Variants in CRYM observed in about 807,000 individuals in gnomAD.
CRYM encodes the protein ketimine reductase mu-crystallin.
Under a neutral mutation model 32.9 loss-of-function variants are expected in CRYM, and 18 were observed. The ratio of observed to expected loss-of-function variants is 0.55; its 90% CI spans 0.38 to 0.81. CRYM has a LOEUF of 0.81. Among genes scored for constraint, CRYM ranks in the 30% least tolerant of loss-of-function variants. The probability of loss-of-function intolerance (pLI) is 0.00; values close to 1 mark genes in which losing one functional copy is unlikely to be tolerated. For synonymous variants in CRYM, 153 were observed against 152.4 expected, an observed-to-expected ratio of 1.00 and a Z score of -0.03; for missense variants, 337 against 393.5, an observed-to-expected ratio of 0.86 and a Z score of 1.21.
At chr16:21,265,791 T>C (rs140020363) in intron 5 of CRYM, among the ~76,000 whole-genome samples, 9 of 152,224 alleles carry the variant, frequency 5.9e-5, no homozygotes, top group Non-Finnish European at 1.0e-4. Context: ...ACCAAGACCA[T>C]CTTTAAATCC....
At chr16:21,260,751 T>C (rs1195408394) in intron 7 of CRYM, among the ~76,000 whole-genome samples, 2 of 152,152 alleles carry the variant, frequency 1.3e-5, no homozygotes, top group African/African-American at 2.4e-5. Flanking sequence ...ATGGAAGCCC[T>C]CCTCAAAGCA....
chr16:21,278,616 T>TCTA, upstream of CRYM: 1 of 312,162 alleles, frequency 3.2e-6, no homozygotes, highest in Admixed American at 4.8e-5. Context: ...TTTGCTGCTG[T>TCTA]CTAGGTCACC....
chr16:21,290,039 C>T (rs1008473613), intron 1 of CRYM, among the ~76,000 whole-genome samples: 9 of 148,720 alleles, frequency 6.1e-5, no homozygotes, highest in African/African-American at 5.2e-5. Context: ...ATGGACCAAT[C>T]AGCACTCTGT....
intron 1 of CRYM, among the ~76,000 whole-genome samples, chr16:21,302,614 C>T (rs1960979799): frequency 6.6e-6 from 1 of 152,180 alleles, no homozygotes; most frequent in South Asian, 2.1e-4. Flanking sequence ...CTGTCGGAAG[C>T]ATACTGAGTT....
At chr16:21,301,813 T>G (rs1258403736) in intron 1 of CRYM, among the ~76,000 whole-genome samples, 1 of 152,126 alleles carries the variant, frequency 6.6e-6, no homozygotes, top group East Asian at 1.9e-4. Flanking sequence ...GGGAGGGCGT[T>G]GGGAGGAGGA....
At chr16:21,291,004 C>T (rs1960638238) in intron 1 of CRYM, among the ~76,000 whole-genome samples, 2 of 152,154 alleles carry the variant, frequency 1.3e-5, no homozygotes, top group African/African-American at 4.8e-5. Flanking sequence ...TCAACACAAA[C>T]TATGTTTCAA....
At chr16:21,267,422 A>G (rs888055350) in intron 5 of CRYM, 132 bp downstream of exon 5, 10 of 953,702 alleles carry the variant, frequency 1.0e-5, no homozygotes, top group African/African-American at 3.2e-5. Context: ...TCAATCTCAC[A>G]TGTTTTCAAG....
chr16:21,282,589 T>G (rs1427736544), upstream of CRYM, among the ~76,000 whole-genome samples: 1 of 152,216 alleles, frequency 6.6e-6, no homozygotes, highest in Admixed American at 6.5e-5. Context: ...ACTCCCACAT[T>G]ACTAGAAAGT....
Position 21,261,332 on chromosome 16 carries a change from T to A in CRYM, c.802A>T (p.Ile268Phe). 1 of 1,613,622 alleles carries A rather than the reference T, an allele frequency of 6.2e-7. No homozygotes were observed. Among genetic ancestry groups the A allele is most frequent in the South Asian group, 1.1e-5 (1 of 91,044 alleles). Residue 268 changes from isoleucine to phenylalanine, a missense_variant, in exon 7 of 8, where the codon ATC becomes TTC. Physicochemically the swap from Ile to Phe is conservative, Grantham distance 21 (BLOSUM62 0). Transcript: ENST00000572914. Reference sequence around the variant, plus strand: ...ATCACTTCTCCCAGCTCAGCAAAGATCTCGGCCTAGGAAACAAACATACGC... The same window carrying A: ...ATCACTTCTCCCAGCTCAGCAAAGAACTCGGCCTAGGAAACAAACATACGC... ...SGDVLLSGAE[I>F]FAELGEVIKG...
chr16:21,287,471 T>A (rs2093409382), intron 1 of CRYM, among the ~76,000 whole-genome samples: 1 of 152,198 alleles, frequency 6.6e-6, no homozygotes, highest in Non-Finnish European at 1.5e-5. Flanking sequence ...TTTATGCTAA[T>A]AAAGTGACCC....
At chr16:21,296,633 AG>A (rs1338503907) in intron 1 of CRYM, among the ~76,000 whole-genome samples, 2 of 152,258 alleles carry the variant, frequency 1.3e-5, no homozygotes, top group Non-Finnish European at 2.9e-5. Context: ...TAGACAAAAA[AG>A]ACAAGCATTT....
At chr16:21,263,949 A>G in intron 5 of CRYM, among the ~76,000 whole-genome samples, 1 of 152,250 alleles carries the variant, frequency 6.6e-6, no homozygotes, top group South Asian at 2.1e-4. Context: ...GAGAAACAGG[A>G]AATCTATTTG....
intron 3 of CRYM, among the ~76,000 whole-genome samples, chr16:21,274,138 T>C (rs1200643579): frequency 6.6e-6 from 1 of 152,232 alleles, no homozygotes; most frequent in African/African-American, 2.4e-5. Flanking sequence ...CCACATTTAA[T>C]GTGAAAGACT....
intron 3 of CRYM, among the ~76,000 whole-genome samples, chr16:21,272,089 C>G (rs1379832378): frequency 6.6e-6 from 1 of 151,708 alleles, no homozygotes; most frequent in Non-Finnish European, 1.5e-5. Flanking sequence ...TCTCGAACTC[C>G]TGACCTCAAG....
At chr16:21,287,101 A>G (rs1352166370) in intron 1 of CRYM, among the ~76,000 whole-genome samples, 2 of 152,208 alleles carry the variant, frequency 1.3e-5, no homozygotes, top group African/African-American at 2.4e-5. Flanking sequence ...AAAAAAAAAA[A>G]AAGGAAAATA....
chr16:21,296,282 G>T (rs1024464312), intron 1 of CRYM, among the ~76,000 whole-genome samples: 1 of 152,148 alleles, frequency 6.6e-6, no homozygotes, highest in Non-Finnish European at 1.5e-5. Flanking sequence ...CTTTTCAAGA[G>T]CTAATAGTGT....
At chr16:21,268,277 A>G (rs2093368185) in intron 4 of CRYM, among the ~76,000 whole-genome samples, 1 of 152,240 alleles carries the variant, frequency 6.6e-6, no homozygotes, top group Non-Finnish European at 1.5e-5. Flanking sequence ...AATGTTTTTC[A>G]TGGAATAACT....
At chr16:21,301,608 C>T (rs1326555532) in intron 1 of CRYM, among the ~76,000 whole-genome samples, 1 of 152,206 alleles carries the variant, frequency 6.6e-6, no homozygotes, top group African/African-American at 2.4e-5. Context: ...GGCGCACGTG[C>T]GGAAGAGGGA....
In CRYM at chr16:21,270,338, C is replaced by G. The variant is rs796251200; in HGVS notation, c.388-447G>C. On this transcript the variant is annotated intron_variant, in intron 3 of 7. Transcript: ENST00000572914. Reference sequence around the variant, plus strand: ...TCGCTCTGTCGCCTAGGCTGGAGTGCAGTGGCACGATCTTGGCTCATTGCA... The same window carrying G: ...TCGCTCTGTCGCCTAGGCTGGAGTGGAGTGGCACGATCTTGGCTCATTGCA... Among the ~76,000 whole-genome samples, 4 of 151,846 alleles carry G rather than the reference C, an allele frequency of 2.6e-5. No homozygotes were observed. The South Asian group carries it at 8.3e-4, about 32-fold the overall frequency.
Sources: gnomAD v4.1 joint callset for allele counts (sites outside exome capture counted in the v4.1 genomes callset) on GRCh38, gnomAD v4.1.1 for gene constraint, MANE v1.5 for transcripts, NCBI Gene and HGNC (gene_info 2026-07-23, HGNC 2026-07-21) for gene names.